The following DGKB variants were observed in gnomAD, a reference collection of about 807,000 sequenced individuals.
DGKB encodes the protein 90 kDa diacylglycerol kinase.
Under a neutral mutation model 114.3 loss-of-function variants are expected in DGKB, and 67 were observed. The observed-to-expected ratio is 0.59, with a 90% CI of 0.48 to 0.72. DGKB has a LOEUF of 0.72. DGKB is among the 30% of genes least tolerant of loss of function. The pLI, the probability that DGKB is intolerant of heterozygous loss-of-function variation, is 0.00. For synonymous variants in DGKB, 398 were observed against 323.1 expected, an observed-to-expected ratio of 1.23 and a Z score of -2.49; for missense variants, 907 against 975.2, an observed-to-expected ratio of 0.93 and a Z score of 0.93.
intron 20 of DGKB, among the ~76,000 whole-genome samples, chr7:14,551,374 G>T (rs1795078771): frequency 6.6e-6 from 1 of 152,200 alleles, no homozygotes; most frequent in Admixed American, 6.5e-5. Flanking sequence ...TACACAGCAT[G>T]TGATACTAAT....
At chr7:14,592,646 ATAT>A (rs1458174888) in intron 17 of DGKB, among the ~76,000 whole-genome samples, 1 of 151,816 alleles carries the variant, frequency 6.6e-6, no homozygotes, top group Non-Finnish European at 1.5e-5. Flanking sequence ...GGTATCATTG[ATAT>A]TATTATTATT....
chr7:14,740,113 CCATA>C (rs1187177753), intron 4 of DGKB, among the ~76,000 whole-genome samples: 1 of 152,256 alleles, frequency 6.6e-6, no homozygotes, highest in Non-Finnish European at 1.5e-5. Flanking sequence ...CGCCATGCAT[CCATA>C]CAGTCTTCCC....
At chr7:14,790,847 T>A (rs919900081) in intron 2 of DGKB, among the ~76,000 whole-genome samples, 9 of 152,172 alleles carry the variant, frequency 5.9e-5, no homozygotes, top group East Asian at 3.8e-4. Context: ...CCAAAAAAAA[T>A]TCCTGGCATT....
chr7:14,672,097 A>G (rs1417744929), intron 13 of DGKB, among the ~76,000 whole-genome samples: 1 of 152,008 alleles, frequency 6.6e-6, no homozygotes, highest in Non-Finnish European at 1.5e-5. Context: ...AATTAGAATC[A>G]TAAGTGGTAC....
At chr7:14,641,804 A>G (rs1246633928) in intron 13 of DGKB, among the ~76,000 whole-genome samples, 6 of 151,930 alleles carry the variant, frequency 3.9e-5, no homozygotes, top group Admixed American at 2.0e-4. Context: ...GCATTTTTTT[A>G]TTACTCTTCG....
intron 1 of DGKB, among the ~76,000 whole-genome samples, chr7:14,957,341 T>C (rs36899): frequency 0.15 from 22,186 of 152,004 alleles, 2,179 homozygotes; most frequent in Non-Finnish European, 0.23. Context: ...ATTTATTGTG[T>C]GGTACCAATG....
At chr7:14,186,353 AT>A (rs988010325) in intron 23 of DGKB, among the ~76,000 whole-genome samples, 7 of 152,198 alleles carry the variant, frequency 4.6e-5, no homozygotes, top group South Asian at 4.1e-4. Context: ...AATCAAAAAA[AT>A]AATCAAAAAA....
chr7:14,645,658 A>G (rs920134401), intron 13 of DGKB, among the ~76,000 whole-genome samples: 16 of 151,966 alleles, frequency 1.1e-4, no homozygotes, highest in Non-Finnish European at 1.5e-4. Context: ...AAGAAACCAT[A>G]TGGTCAGAAG....
chr7:14,551,196 A>G (rs952878004), intron 20 of DGKB, among the ~76,000 whole-genome samples: 2 of 152,310 alleles, frequency 1.3e-5, no homozygotes, highest in African/African-American at 4.8e-5. Flanking sequence ...GCAAATATCT[A>G]TTTGATAGGA....
At chr7:14,273,499 T>C (rs945718834) in intron 23 of DGKB, among the ~76,000 whole-genome samples, 2 of 152,226 alleles carry the variant, frequency 1.3e-5, no homozygotes, top group East Asian at 1.9e-4. Flanking sequence ...CATTGTTCTA[T>C]AGTCAGAGCC....
At chr7:14,798,956 T>A (rs1218968736) in intron 2 of DGKB, among the ~76,000 whole-genome samples, 1 of 152,220 alleles carries the variant, frequency 6.6e-6, no homozygotes, top group Non-Finnish European at 1.5e-5. Flanking sequence ...ACTGCGTCCC[T>A]GAGGGATTAC....
upstream of DGKB, among the ~76,000 whole-genome samples, chr7:14,903,630 G>A (rs544216464): frequency 3.9e-5 from 6 of 152,230 alleles, no homozygotes; most frequent in South Asian, 1.2e-3. Flanking sequence ...GCTGCATTCC[G>A]GCTTGGTAAC....
At chr7:14,294,999 A>G (rs1802314800) in intron 23 of DGKB, among the ~76,000 whole-genome samples, 1 of 152,128 alleles carries the variant, frequency 6.6e-6, no homozygotes, top group South Asian at 2.1e-4. Context: ...CCAACAATTG[A>G]GGAAGGGCAT....
chr7:14,778,192 A>G (rs1838498129), intron 2 of DGKB, among the ~76,000 whole-genome samples: 1 of 152,230 alleles, frequency 6.6e-6, no homozygotes, highest in African/African-American at 2.4e-5. Context: ...CAGAGTTAAA[A>G]GACCTGTGCA....
rs576336607 is a variant in DGKB, at chr7:14,696,198, G to C, written c.591+1897C>G. Among the ~76,000 whole-genome samples, 99 of 152,012 alleles carry C rather than the reference G, an allele frequency of 6.5e-4. 1 individual carries two copies. The highest frequency in any genetic ancestry group is 2.2e-3 in the African/African-American group (93 of 41,490). ...GAGAAGTGTTAGTGCCCGCTGTTTA[G>C]AAACCTGAATGGAGGCCGGGCGCGG... On this transcript the variant is annotated intron_variant, in intron 8 of 25. Coordinates refer to ENST00000402815, the MANE Select transcript of DGKB (RefSeq NM_001350709.2).
At chr7:14,629,089 G>C (rs898314101) in intron 14 of DGKB, among the ~76,000 whole-genome samples, 2 of 151,938 alleles carry the variant, frequency 1.3e-5, no homozygotes, top group Non-Finnish European at 2.9e-5. Context: ...ATATTTGCTT[G>C]ATTGGGCTGG....
intron 20 of DGKB, among the ~76,000 whole-genome samples, chr7:14,507,324 G>A (rs1787248622): frequency 6.6e-6 from 1 of 152,042 alleles, no homozygotes; most frequent in Non-Finnish European, 1.5e-5. Flanking sequence ...TTTAGATTCT[G>A]ATATTTTCTA....
intron 21 of DGKB, among the ~76,000 whole-genome samples, chr7:14,372,836 C>A (rs1817881061): frequency 6.6e-6 from 1 of 152,114 alleles, no homozygotes; most frequent in Non-Finnish European, 1.5e-5. Context: ...ATCTGCCCAT[C>A]CATATCTGTT....
At chr7:14,459,961 T>G (rs1052631691) in intron 21 of DGKB, among the ~76,000 whole-genome samples, 2 of 151,998 alleles carry the variant, frequency 1.3e-5, no homozygotes, top group African/African-American at 4.8e-5. Flanking sequence ...CTTAAAGAAA[T>G]GAATTTTCAA....
Sources: allele counts gnomAD v4.1 joint callset (sites outside exome capture counted in the v4.1 genomes callset), GRCh38; gene constraint gnomAD v4.1.1; transcripts MANE v1.5; gene names NCBI Gene and HGNC (gene_info 2026-07-23, HGNC 2026-07-21).